SNTG1: variants seen among roughly 807,000 people sequenced by gnomAD.
The protein encoded by SNTG1 is syntrophin gamma 1.
A neutral mutation model predicts 74.7 loss-of-function variants in SNTG1; 39 were observed. The ratio of observed to expected loss-of-function variants is 0.52; its 90% CI spans 0.40 to 0.68. The LOEUF (loss-of-function observed/expected upper bound fraction) is 0.68, where lower values mean the gene tolerates loss of function less well. SNTG1 is among the 30% of genes least tolerant of loss of function. The pLI, the probability that SNTG1 is intolerant of heterozygous loss-of-function variation, is 0.00. For missense variants in SNTG1, 685 were observed against 609.5 expected (o/e 1.12, Z -1.30); for synonymous variants, 254 against 217.1 (o/e 1.17, Z -1.49).
chr8:50,349,851 T>A (rs1414614654), intron 2 of SNTG1, among the ~76,000 whole-genome samples: 1 of 152,178 alleles, frequency 6.6e-6, no homozygotes, highest in Non-Finnish European at 1.5e-5. Context: ...ACTGCTGCAC[T>A]GTGGGAGCCC....
chr8:49,927,247 G>C (rs412095), intron 1 of SNTG1, among the ~76,000 whole-genome samples: 140,530 of 152,234 alleles, frequency 0.92, 65,865 homozygotes, highest in East Asian at 1. Context: ...AATCACACTT[G>C]TTGTTATTTA....
At chr8:50,694,471 A>C (rs1265700124) in intron 15 of SNTG1, among the ~76,000 whole-genome samples, 1 of 152,160 alleles carries the variant, frequency 6.6e-6, no homozygotes, top group Non-Finnish European at 1.5e-5. Context: ...GAAAATCCCA[A>C]GGCCTGATGG....
chr8:50,216,866 A>G (rs936423766), intron 2 of SNTG1, among the ~76,000 whole-genome samples: 1 of 152,108 alleles, frequency 6.6e-6, no homozygotes, highest in Admixed American at 6.6e-5. Context: ...ATGCCAGAAT[A>G]GCATTTGGAG....
rs146487545 is a variant in SNTG1 at position 50,567,328 on chromosome 8, G to A, written c.810+14149G>A. ...GGAATACTGAAATTAATACCAATCT[G>A]TAAATAGAGATAATTTTACATGACA... On this transcript the variant is annotated intron_variant, in intron 12 of 18. Coordinates refer to ENST00000642720, the MANE Select transcript of SNTG1 (RefSeq NM_018967.5). Among the ~76,000 whole-genome samples, 210 of 152,112 alleles carry A rather than the reference G, an allele frequency of 1.4e-3. 1 individual carries two copies. The highest frequency in any genetic ancestry group is 4.7e-3 in the African/African-American group (195 of 41,530).
chr8:50,725,603 A>G lies in SNTG1; in HGVS notation c.1284+16625A>G, dbSNP rs2095498242. Among the ~76,000 whole-genome samples, 3 of 152,126 alleles carry G rather than the reference A, an allele frequency of 2.0e-5. No individual in the cohort carries two copies. The South Asian group carries it at 6.2e-4, about 31-fold the overall frequency. ...CATATTTTAAGTACGTGACACCTCT[A>G]ATTTCCTCTGTTTTTCACCGCCCCG... is the stretch of plus-strand genomic sequence containing the variant. On this transcript the variant is annotated intron_variant, in intron 17 of 18. Coordinates refer to ENST00000642720, the MANE Select transcript of SNTG1 (RefSeq NM_018967.5).
rs1356094094 is a variant in SNTG1, at chr8:50,763,898, CACACACACAA to C, written c.1395+11789_1395+11798del. 4.3e-3 allele frequency among the ~76,000 whole-genome samples: 460 copies of C among 106,380 alleles called. 5 individuals are homozygous for C. The highest frequency in any genetic ancestry group is 0.025 in the African/African-American group (364 of 14,440). The allele number at this position is 106,380 out of a possible 152,430, so 69.8% of individuals were successfully genotyped here. ...ACACACACACACACACACACACACA[CACACACACAA>C]AAATAACCAAGGCAATTCCTATACA... is the stretch of plus-strand genomic sequence containing the variant. On this transcript the variant is annotated intron_variant, in intron 18 of 18. Coordinates refer to ENST00000642720, the MANE Select transcript of SNTG1 (RefSeq NM_018967.5).
intron 2 of SNTG1, among the ~76,000 whole-genome samples, chr8:50,321,252 C>T (rs770496282): frequency 1.3e-5 from 2 of 151,970 alleles, no homozygotes; most frequent in Non-Finnish European, 2.9e-5. Context: ...TTGTGGTATC[C>T]TCTTGCTGAA....
chr8:50,501,796 T>C (rs1220660933), intron 8 of SNTG1, among the ~76,000 whole-genome samples: 1 of 151,960 alleles, frequency 6.6e-6, no homozygotes, highest in Non-Finnish European at 1.5e-5. Flanking sequence ...TCATTCTAAA[T>C]TGGTTTCAAG....
rs527456816 is a variant in SNTG1, at chr8:50,026,773, A to G, written c.-103+114542A>G. Among the ~76,000 whole-genome samples the G allele has an allele frequency of 5.5e-4, 84 of 152,276 alleles. 1 individual carries two copies. The highest frequency in any genetic ancestry group is 5.1e-4 in the Non-Finnish European group (35 of 68,020). On this transcript the variant is annotated intron_variant, in intron 1 of 18. Transcript: ENST00000642720. ...GGAACAAATTTTAAATAAAAACATC[A>G]GGAAGAGATGGGTTGTAGATTTTTA...
intron 1 of SNTG1, among the ~76,000 whole-genome samples, chr8:49,959,245 G>C (rs914882665): frequency 2.6e-5 from 4 of 152,212 alleles, no homozygotes; most frequent in African/African-American, 7.2e-5. Flanking sequence ...CCCTGGGAAA[G>C]AGCATGCTGG....
At chr8:50,294,335 A>C (rs2089266440) in intron 2 of SNTG1, among the ~76,000 whole-genome samples, 1 of 152,238 alleles carries the variant, frequency 6.6e-6, no homozygotes, top group Non-Finnish European at 1.5e-5. Flanking sequence ...GTCATCCAAC[A>C]GCTTCAAAGT....
rs1489595445 is a variant in SNTG1, at chr8:50,421,054, G to C, written c.163-17489G>C. Among the ~76,000 whole-genome samples the C allele has an allele frequency of 2.5e-4, 31 of 125,956 alleles. 5 individuals are homozygous for C. Among genetic ancestry groups the C allele is most frequent in the African/African-American group, 5.4e-4 (19 of 35,474 alleles). The allele number at this position is 125,956 out of a possible 152,430, so 82.6% of individuals were successfully genotyped here. A position where few individuals can be genotyped will look rare whatever the true frequency, so the allele number is the denominator to read the frequency against. On this transcript the variant is annotated intron_variant, in intron 4 of 18. Coordinates refer to ENST00000642720, the MANE Select transcript of SNTG1 (RefSeq NM_018967.5). ...AAAAAAAAGGCGGTGGGCGGGGGAGGGGGGGGCGAAGATAAAGGGACATTT... is the reference window on the plus strand; with the variant it reads ...AAAAAAAAGGCGGTGGGCGGGGGAGCGGGGGGCGAAGATAAAGGGACATTT...
intron 1 of SNTG1, among the ~76,000 whole-genome samples, chr8:50,138,558 G>A (rs2131449143): frequency 6.6e-6 from 1 of 151,606 alleles, no homozygotes; most frequent in East Asian, 1.9e-4. Context: ...CTGGGAGGTG[G>A]AGGTTGCACT....
intron 4 of SNTG1, among the ~76,000 whole-genome samples, chr8:50,435,374 C>A (rs925267892): frequency 3.3e-5 from 5 of 152,124 alleles, no homozygotes; most frequent in African/African-American, 1.2e-4. Context: ...ACAGTCTTTA[C>A]GACACTCATG....
chr8:50,699,085 C>T (rs999157828), intron 15 of SNTG1, among the ~76,000 whole-genome samples: 3 of 151,878 alleles, frequency 2.0e-5, no homozygotes, highest in Admixed American at 1.3e-4. Context: ...ATTTATTTTG[C>T]CAAGGTTGAG....
intron 13 of SNTG1, among the ~76,000 whole-genome samples, chr8:50,650,891 G>A (rs1261158258): frequency 6.6e-6 from 1 of 152,036 alleles, no homozygotes; most frequent in African/African-American, 2.4e-5. Context: ...AGAAGACACA[G>A]GGTTTCACCA....
intron 1 of SNTG1, among the ~76,000 whole-genome samples, chr8:49,919,705 A>T (rs1344952932): frequency 1.3e-5 from 2 of 152,068 alleles, no homozygotes; most frequent in Non-Finnish European, 2.9e-5. Context: ...CATTGGGGAT[A>T]AAAAAATAGT....
chr8:50,339,385 G>A (rs564104032), intron 2 of SNTG1, among the ~76,000 whole-genome samples: 1 of 151,816 alleles, frequency 6.6e-6, no homozygotes, highest in Non-Finnish European at 1.5e-5. Context: ...ATAAAAACAA[G>A]ATCTTGTTTA....
At chr8:50,099,425 T>A (rs2080044195) in intron 1 of SNTG1, among the ~76,000 whole-genome samples, 1 of 152,114 alleles carries the variant, frequency 6.6e-6, no homozygotes, top group African/African-American at 2.4e-5. Flanking sequence ...TCCCATTATC[T>A]TAGCAATTTT....
Sources: gnomAD v4.1 joint callset for allele counts (sites outside exome capture counted in the v4.1 genomes callset) on GRCh38, gnomAD v4.1.1 for gene constraint, MANE v1.5 for transcripts, NCBI Gene and HGNC (gene_info 2026-07-23, HGNC 2026-07-21) for gene names.